Variants in DIAPH2 observed in about 807,000 individuals in gnomAD.
The protein encoded by DIAPH2 is protein diaphanous homolog 2.
DIAPH2 carries 35 observed loss-of-function variants against 92.7 expected under a neutral mutation model. That is an observed-to-expected ratio of 0.38 (90% confidence interval 0.29 to 0.50). DIAPH2 has a LOEUF of 0.50. DIAPH2 is among the 20% of genes least tolerant of loss of function. The pLI is 0.94. For synonymous variants in DIAPH2, 301 were observed against 280.4 expected (o/e 1.07, Z -0.73); for missense variants, 701 against 819.5 (o/e 0.86, Z 1.77).
At chrX:97,133,170 C>G (rs1180383378) in intron 21 of DIAPH2, among the ~76,000 whole-genome samples, 2 of 112,663 alleles carry the variant, frequency 1.8e-5, no homozygotes, top group Non-Finnish European at 3.7e-5. Flanking sequence ...ATGCAAAAAT[C>G]AGTTTTTGTC....
chrX:97,094,212 G>C (rs976825005), intron 19 of DIAPH2, among the ~76,000 whole-genome samples: 23 of 111,615 alleles, frequency 2.1e-4, no homozygotes, highest in African/African-American at 7.5e-4. Flanking sequence ...AGAGTAGTCA[G>C]GGCTGGAGAC....
At chrX:97,192,204 G>A (rs1372063554) in intron 22 of DIAPH2, among the ~76,000 whole-genome samples, 1 of 100,673 alleles carries the variant, frequency 9.9e-6, no homozygotes, top group Non-Finnish European at 2.0e-5. Context: ...TGAGGCAGGA[G>A]AATCACTTGA....
At chrX:97,461,672 G>T (rs2070459874) in intron 26 of DIAPH2, among the ~76,000 whole-genome samples, 1 of 111,256 alleles carries the variant, frequency 9.0e-6, no homozygotes, top group African/African-American at 3.3e-5. Context: ...TAGTTATGGG[G>T]ATTTTGAAAT....
intron 17 of DIAPH2, among the ~76,000 whole-genome samples, chrX:97,045,964 G>A (rs185547873): frequency 6.9e-4 from 70 of 101,916 alleles, no homozygotes; most frequent in African/African-American, 2.4e-3. Context: ...AGCGATTCTC[G>A]TGCCTCAGCC....
intron 4 of DIAPH2, among the ~76,000 whole-genome samples, chrX:96,802,013 T>G (rs1168285127): frequency 2.7e-5 from 3 of 112,097 alleles, no homozygotes; most frequent in African/African-American, 9.7e-5. Context: ...ATACTGTCTC[T>G]TCCCAATTCC....
At chrX:97,297,376 T>A (rs981979606) in intron 23 of DIAPH2, among the ~76,000 whole-genome samples, 9 of 109,651 alleles carry the variant, frequency 8.2e-5, no homozygotes, top group Non-Finnish European at 5.7e-5. Flanking sequence ...CAGTAGAAAT[T>A]GAAAGCAGGG....
chrX:97,002,926 A>G (rs1307119027), intron 17 of DIAPH2, among the ~76,000 whole-genome samples: 6 of 111,598 alleles, frequency 5.4e-5, no homozygotes, highest in Non-Finnish European at 1.1e-4. Context: ...CCCATTAACT[A>G]TGCCTTCTCA....
intron 5 of DIAPH2, among the ~76,000 whole-genome samples, chrX:96,901,059 G>A (rs776523495): frequency 1.1e-4 from 12 of 111,492 alleles, no homozygotes; most frequent in Non-Finnish European, 2.3e-4. Context: ...TGAATGTCTG[G>A]TAGAATTCAG....
chrX:96,717,091 G>A (rs184474234), intron 1 of DIAPH2, among the ~76,000 whole-genome samples: 16 of 111,623 alleles, frequency 1.4e-4, no homozygotes, highest in African/African-American at 5.2e-4. Flanking sequence ...TCTACCGATC[G>A]TTTACTTAGA....
chrX:97,029,830 C>G (rs1318310836), intron 17 of DIAPH2, among the ~76,000 whole-genome samples: 1 of 111,212 alleles, frequency 9.0e-6, no homozygotes, highest in Non-Finnish European at 1.9e-5. Context: ...ACCTCAATGT[C>G]TTGATTACTA....
At chrX:97,257,654 C>T (rs1382401737) in intron 23 of DIAPH2, among the ~76,000 whole-genome samples, 1 of 111,315 alleles carries the variant, frequency 9.0e-6, no homozygotes, top group Admixed American at 9.6e-5. Context: ...TTTACTTAAT[C>T]CATGTGAATG....
intron 22 of DIAPH2, among the ~76,000 whole-genome samples, chrX:97,167,213 C>G (rs1401406392): frequency 1.0e-5 from 1 of 99,060 alleles, no homozygotes; most frequent in Admixed American, 1.1e-4. Flanking sequence ...AGAGTTTCCT[C>G]TAGGGCGCTA....
At position 96,705,710 on chromosome X, in the gene DIAPH2, A is replaced by G. The variant is rs1602439995; in HGVS notation, c.132+20520A>G. Among the ~76,000 whole-genome samples the G allele has an allele frequency of 2.7e-5, 3 of 112,239 alleles. No individual in the cohort carries two copies. In the South Asian group the frequency reaches 1.1e-3, roughly 42 times the overall value. On this transcript the variant is annotated intron_variant, in intron 1 of 26. Coordinates refer to ENST00000324765, the MANE Select transcript of DIAPH2 (RefSeq NM_006729.5). ...TCAATGCATTAGAAACATAGTTTCC[A>G]TTTTCCCAAGCTTCTCATTCCCCTT...
intron 26 of DIAPH2, among the ~76,000 whole-genome samples, chrX:97,555,025 C>G (rs1296956070): frequency 4.7e-5 from 5 of 107,202 alleles, no homozygotes; most frequent in African/African-American, 1.7e-4. Context: ...TGCCAGCAGA[C>G]CAAGTGTTAT....
chrX:97,404,339 G>A (rs898502506), intron 25 of DIAPH2, among the ~76,000 whole-genome samples: 7 of 111,270 alleles, frequency 6.3e-5, no homozygotes, highest in African/African-American at 2.0e-4. Flanking sequence ...ATTCTTGGCC[G>A]AGAAAATAGA....
chrX:96,884,455 T>C (rs2065243425), intron 5 of DIAPH2: 1 of 1,209,052 alleles, frequency 8.3e-7, no homozygotes, highest in African/African-American at 1.8e-5. Context: ...CGTTGTACCG[T>C]GTAATGTGAA....
intron 4 of DIAPH2, among the ~76,000 whole-genome samples, chrX:96,861,621 A>C (rs989585304): frequency 1.8e-5 from 2 of 111,169 alleles, no homozygotes; most frequent in Non-Finnish European, 3.8e-5. Flanking sequence ...TAAACATGTC[A>C]CTCACCAGCT....
chrX:97,414,593 C>T (rs767840425), intron 25 of DIAPH2, among the ~76,000 whole-genome samples: 1 of 102,347 alleles, frequency 9.8e-6, no homozygotes, highest in Non-Finnish European at 2.0e-5. Context: ...GAGCTTCTTG[C>T]AGTGAGTGGG....
Position 96,751,647 on chromosome X carries a change from G to GTTTT in DIAPH2, c.343-6506_343-6503dup, listed in dbSNP as rs1332024432. Among the ~76,000 whole-genome samples, 105 of 85,006 alleles carry GTTTT rather than the reference G, an allele frequency of 1.2e-3. 2 individuals carry two copies. The highest frequency in any genetic ancestry group is 4.4e-3 in the African/African-American group (99 of 22,632). The allele number at this position is 85,006 out of a possible 115,157, so 73.8% of individuals were successfully genotyped here. A position where few individuals can be genotyped will look rare whatever the true frequency, so the allele number is the denominator to read the frequency against. ...TATAAATGGTCAACTAGACTTCAGT[G>GTTTT]TTTTGTTTTTTTTTTTTTTTTTTTG... On this transcript the variant is annotated intron_variant, in intron 3 of 26. Coordinates refer to ENST00000324765, the MANE Select transcript of DIAPH2 (RefSeq NM_006729.5).
Sources: allele counts gnomAD v4.1 joint callset (sites outside exome capture counted in the v4.1 genomes callset), GRCh38; gene constraint gnomAD v4.1.1; transcripts MANE v1.5; gene names NCBI Gene and HGNC (gene_info 2026-07-23, HGNC 2026-07-21).